The following WDFY3 variants were observed in gnomAD, a reference collection of about 807,000 sequenced individuals.
WDFY3 encodes WD repeat and FYVE domain containing 3.
Under a neutral mutation model 409.6 loss-of-function variants are expected in WDFY3, and 66 were observed. That is an observed-to-expected ratio of 0.16 (90% CI 0.13 to 0.20). The LOEUF (loss-of-function observed/expected upper bound fraction) is 0.20. Ranked by LOEUF, WDFY3 falls within the 10% of genes least tolerant of loss-of-function variation. The pLI, the probability that WDFY3 is intolerant of heterozygous loss-of-function variation, is 1.00. For synonymous variants in WDFY3, 1,521 were observed against 1,537.1 expected (o/e 0.99, Z 0.25); for missense variants, 3,031 against 4,298.1 (o/e 0.71, Z 8.24).
chr4:84,686,724 C>T (rs1728388086), intron 62 of WDFY3, among the ~76,000 whole-genome samples: 1 of 152,158 alleles, frequency 6.6e-6, no homozygotes, highest in Non-Finnish European at 1.5e-5. Context: ...TTCCTGTCGA[C>T]TCCCAAGACG....
chr4:84,833,793 G>A (rs1293843458), intron 7 of WDFY3, among the ~76,000 whole-genome samples: 1 of 152,144 alleles, frequency 6.6e-6, no homozygotes, highest in African/African-American at 2.4e-5. Flanking sequence ...TTTTATCTGA[G>A]AAAACTAGGC....
At chr4:84,675,913 T>C (rs1184203909) in intron 67 of WDFY3, among the ~76,000 whole-genome samples, 1 of 152,162 alleles carries the variant, frequency 6.6e-6, no homozygotes, top group African/African-American at 2.4e-5. Context: ...CCTCGCCTCA[T>C]GTTATACCCC....
Position 84,688,134 on chromosome 4 carries a change from A to T in WDFY3, c.9495T>A (p.Leu3165=). 6.2e-7 allele frequency: 1 copy of T among 1,614,188 alleles called. No individual in the cohort carries two copies. Among genetic ancestry groups the T allele is most frequent in the Non-Finnish European group, 8.5e-7 (1 of 1,180,040 alleles). ...DLNKLSFLTQ[L]RGHRAPVSAL... Reference sequence around the variant, plus strand: ...CAGAAACTGGAGCTCGATGCCCTCGAAGCTGGGTTAGAAATGACAGTTTGT... The same window carrying T: ...CAGAAACTGGAGCTCGATGCCCTCGTAGCTGGGTTAGAAATGACAGTTTGT... Residue 3165 remains leucine (L), a synonymous_variant, in exon 62 of 68, where the codon CTT becomes CTA. Transcript: ENST00000295888.
At chr4:84,819,220 T>A (rs2149806176) in intron 12 of WDFY3, among the ~76,000 whole-genome samples, 1 of 152,178 alleles carries the variant, frequency 6.6e-6, no homozygotes, top group South Asian at 2.1e-4. Context: ...GATCTTACCT[T>A]AGCATCTAGG....
chr4:84,857,066 A>G (rs750027863), intron 4 of WDFY3, among the ~76,000 whole-genome samples: 61 of 152,178 alleles, frequency 4.0e-4, no homozygotes, highest in Non-Finnish European at 2.2e-4. Context: ...TGGTACAGAT[A>G]TAACTTTCTA....
At chr4:84,820,305 G>C in intron 11 of WDFY3, 119 bp from the exon 12 acceptor site, 1 of 695,966 alleles carries the variant, frequency 1.4e-6, no homozygotes, top group Admixed American at 3.3e-5. Context: ...TAATAGGACA[G>C]ATATAATATA....
chr4:84,677,820 G>C (rs116254831), intron 66 of WDFY3, among the ~76,000 whole-genome samples: 4 of 151,392 alleles, frequency 2.6e-5, no homozygotes, highest in African/African-American at 9.7e-5. Context: ...AAAATTAGCC[G>C]GGTGTGATGG....
At chr4:84,731,839 T>G (rs1047768340) in intron 44 of WDFY3, among the ~76,000 whole-genome samples, 7 of 152,228 alleles carry the variant, frequency 4.6e-5, no homozygotes, top group African/African-American at 1.7e-4. Flanking sequence ...AGTAAATGCC[T>G]CAGTTAAATC....
intron 30 of WDFY3, among the ~76,000 whole-genome samples, chr4:84,771,482 A>C (rs901100550): frequency 9.2e-5 from 14 of 152,318 alleles, no homozygotes; most frequent in African/African-American, 3.4e-4. Flanking sequence ...ATATTTCAGC[A>C]ATCTTTAAAG....
At chr4:84,793,211 C>G (rs1407713261) in intron 21 of WDFY3, among the ~76,000 whole-genome samples, 1 of 152,174 alleles carries the variant, frequency 6.6e-6, no homozygotes, top group Non-Finnish European at 1.5e-5. Context: ...CTGGGTGTCT[C>G]TCCTAGGCTG....
chr4:84,691,542 A>T, intron 60 of WDFY3, 89 bp downstream of exon 60: 2 of 1,415,822 alleles, frequency 1.4e-6, no homozygotes, highest in Non-Finnish European at 1.9e-6. Context: ...AAGCCCTTGG[A>T]CTGGGTTCTC....
At chr4:84,909,392 T>G (rs892380074) in intron 2 of WDFY3, among the ~76,000 whole-genome samples, 2 of 152,156 alleles carry the variant, frequency 1.3e-5, no homozygotes, top group South Asian at 4.1e-4. Flanking sequence ...ATGGTTAAAG[T>G]ATTGTAATAA....
At chr4:84,687,389 T>C (rs1158005563) in intron 62 of WDFY3, among the ~76,000 whole-genome samples, 1 of 152,138 alleles carries the variant, frequency 6.6e-6, no homozygotes, top group Admixed American at 6.6e-5. Flanking sequence ...ATGATCCGCC[T>C]GCACTGACCT....
At position 84,910,921 on chromosome 4, in the gene WDFY3, C is replaced by T. The variant is rs531216419; in HGVS notation, c.-131-13911G>A. ...TTTTAGTAGAGACAGGGTTTCACCA[C>T]GTTGGCCAGACTGGTCTCAAACTCC... On this transcript the variant is annotated intron_variant, in intron 2 of 67. Coordinates refer to ENST00000295888, the MANE Select transcript of WDFY3 (RefSeq NM_014991.6). 1.7e-4 allele frequency among the ~76,000 whole-genome samples: 25 copies of T among 150,936 alleles called. No individual in the cohort carries two copies. The South Asian group carries it at 3.8e-3, about 23-fold the overall frequency.
At chr4:84,729,772 C>T (rs1420333651) in intron 44 of WDFY3, among the ~76,000 whole-genome samples, 1 of 151,830 alleles carries the variant, frequency 6.6e-6, no homozygotes, top group Non-Finnish European at 1.5e-5. Flanking sequence ...CTGTATTCTT[C>T]AGCTTAAGGG....
chr4:84,752,554 C>T (rs543529527), intron 35 of WDFY3, among the ~76,000 whole-genome samples: 1 of 149,134 alleles, frequency 6.7e-6, no homozygotes, highest in Non-Finnish European at 1.5e-5. Flanking sequence ...AAGATGCTGA[C>T]AAGGAAAAGA....
At chr4:84,750,627 T>C (rs934086705) in intron 36 of WDFY3, among the ~76,000 whole-genome samples, 15 of 152,214 alleles carry the variant, frequency 9.9e-5, no homozygotes, top group Non-Finnish European at 2.2e-4. Context: ...TATGAATTGG[T>C]CAAAAGAACA....
intron 1 of WDFY3, among the ~76,000 whole-genome samples, chr4:84,938,778 C>T (rs1351203956): frequency 2.0e-5 from 3 of 152,118 alleles, no homozygotes; most frequent in African/African-American, 7.2e-5. Context: ...TGCTCCTGAG[C>T]TTTTACACTT....
chr4:84,845,999 A>G (rs1035709766), intron 5 of WDFY3, among the ~76,000 whole-genome samples: 1 of 152,194 alleles, frequency 6.6e-6, no homozygotes, highest in Admixed American at 6.5e-5. Flanking sequence ...ATAAAATTAA[A>G]TAAGTAAATA....
Sources: allele counts gnomAD v4.1 joint callset (sites outside exome capture counted in the v4.1 genomes callset), GRCh38; gene constraint gnomAD v4.1.1; transcripts MANE v1.5; gene names NCBI Gene and HGNC (gene_info 2026-07-23, HGNC 2026-07-21).